Variants in CNTN5 observed in about 807,000 individuals in gnomAD.
CNTN5 encodes contactin 5, also known as contactin-5.
A neutral mutation model predicts 129.1 loss-of-function variants in CNTN5; 77 were observed. The observed-to-expected ratio is 0.60, with a 90% CI of 0.50 to 0.72. The LOEUF (loss-of-function observed/expected upper bound fraction) is 0.72, where lower values mean the gene tolerates loss of function less well. Among genes scored for constraint, CNTN5 ranks in the 30% least tolerant of loss-of-function variants. The pLI is 0.00. For missense variants in CNTN5, 1,478 were observed against 1,328.8 expected, an observed-to-expected ratio of 1.11 and a Z score of -1.75; for synonymous variants, 509 against 465.6, an observed-to-expected ratio of 1.09 and a Z score of -1.20.
chr11:100,287,188 ATAT>A (rs1294480726), intron 18 of CNTN5, among the ~76,000 whole-genome samples: 5 of 152,246 alleles, frequency 3.3e-5, no homozygotes. Flanking sequence ...ACTCTGCAGA[ATAT>A]TATCCAGGAG....
At chr11:99,523,275 C>T (rs1400530381) in intron 2 of CNTN5, among the ~76,000 whole-genome samples, 1 of 152,116 alleles carries the variant, frequency 6.6e-6, no homozygotes, top group Admixed American at 6.6e-5. Context: ...CATACTGGTA[C>T]AGTAAATTAC....
At chr11:99,713,283 G>C (rs71569673) in intron 3 of CNTN5, among the ~76,000 whole-genome samples, 1 of 151,932 alleles carries the variant, frequency 6.6e-6, no homozygotes, top group African/African-American at 2.4e-5. Context: ...TTGGCTCTCT[G>C]TTTTTTGTTG....
At chr11:100,345,172 G>T (rs1198029480) in intron 23 of CNTN5, among the ~76,000 whole-genome samples, 1 of 152,164 alleles carries the variant, frequency 6.6e-6, no homozygotes, top group Admixed American at 6.6e-5. Context: ...AGGCTGAGAT[G>T]CCCAAGATCA....
At chr11:99,794,112 G>C (rs566120908) in intron 3 of CNTN5, among the ~76,000 whole-genome samples, 14 of 151,586 alleles carry the variant, frequency 9.2e-5, no homozygotes, top group African/African-American at 3.4e-4. Flanking sequence ...TGGGTACATA[G>C]ATATTTAGGA....
chr11:99,238,662 A>AT (rs1861395287), intron 1 of CNTN5, among the ~76,000 whole-genome samples: 1 of 152,118 alleles, frequency 6.6e-6, no homozygotes, highest in South Asian at 2.1e-4. Context: ...ATGCTAAAAT[A>AT]TTTTTTGTCA....
intron 3 of CNTN5, among the ~76,000 whole-genome samples, chr11:99,716,951 G>A (rs991870759): frequency 1.3e-5 from 2 of 152,022 alleles, no homozygotes; most frequent in Non-Finnish European, 2.9e-5. Context: ...TATACCAGGG[G>A]AGCAACTAAG....
In CNTN5 at chr11:99,081,400, A is replaced by G. The variant is rs201409853; in HGVS notation, c.-210+60130A>G. On this transcript the variant is annotated intron_variant, in intron 1 of 24. Transcript: ENST00000524871. ...AAACATTTCTCAATTTTATTCACCC[A>G]AACACACAAGCTTTAATGATCCTTT... Among the ~76,000 whole-genome samples the G allele has an allele frequency of 1.7e-4, 26 of 152,326 alleles. No homozygotes were observed. In the East Asian group the frequency reaches 4.6e-3, roughly 27 times the overall value.
chr11:99,075,998 AC>A (rs1458893561), intron 1 of CNTN5, among the ~76,000 whole-genome samples: 2 of 152,082 alleles, frequency 1.3e-5, no homozygotes, highest in African/African-American at 4.8e-5. Flanking sequence ...GCTTGACTTC[AC>A]CTTCTTGATT....
intron 8 of CNTN5, among the ~76,000 whole-genome samples, chr11:99,989,752 A>G (rs1365520036): frequency 6.6e-6 from 1 of 152,038 alleles, no homozygotes; most frequent in Non-Finnish European, 1.5e-5. Flanking sequence ...ATAAAATTTT[A>G]AAAGTTTGCT....
intron 2 of CNTN5, among the ~76,000 whole-genome samples, chr11:99,493,066 G>A (rs1946096628): frequency 6.6e-6 from 1 of 152,136 alleles, no homozygotes; most frequent in Non-Finnish European, 1.5e-5. Flanking sequence ...AGACCTTCCT[G>A]CTTCTACTGC....
intron 1 of CNTN5, among the ~76,000 whole-genome samples, chr11:99,092,446 C>T (rs1374540980): frequency 1.3e-5 from 2 of 151,928 alleles, no homozygotes; most frequent in Non-Finnish European, 2.9e-5. Context: ...CTTAAGAGTA[C>T]ATGTTACATT....
intron 17 of CNTN5, among the ~76,000 whole-genome samples, chr11:100,256,670 G>T (rs1276100291): frequency 6.6e-6 from 1 of 152,062 alleles, no homozygotes; most frequent in African/African-American, 2.4e-5. Flanking sequence ...GCAGCATGGG[G>T]CATTGCCTCA....
At chr11:99,998,089 G>T (rs1013418723) in intron 8 of CNTN5, among the ~76,000 whole-genome samples, 7 of 151,766 alleles carry the variant, frequency 4.6e-5, no homozygotes, top group East Asian at 1.9e-4. Context: ...CATTGAAAAC[G>T]GGCACAAGAC....
chr11:100,333,305 G>T (rs1951947452), intron 21 of CNTN5, among the ~76,000 whole-genome samples: 1 of 147,618 alleles, frequency 6.8e-6, no homozygotes, highest in Admixed American at 6.9e-5. Context: ...CATGCTCATG[G>T]ATGGGTAGAA....
Position 100,341,194 on chromosome 11 carries a change from G to A in CNTN5, c.3019G>A (p.Val1007Met). The stretch of plus-strand genomic sequence containing the variant: ...ACCATTAGCCAACGAATCTGAAGTT[G>A]TGGGTTACAAGGTCAGTATTTCTTC... The part of the protein sequence containing the change: ...VIPLANESEV[V>M]GYKVFYRQEG... Residue 1007 changes from valine (V) to methionine (M), a missense_variant, in exon 23 of 25, where the codon GTG becomes ATG. Coordinates refer to ENST00000524871, the MANE Select transcript of CNTN5 (RefSeq NM_014361.4). The A allele has an allele frequency of 1.9e-6, 3 of 1,612,712 alleles. No homozygotes were observed. Among genetic ancestry groups the A allele is most frequent in the Non-Finnish European group, 8.5e-7 (1 of 1,178,724 alleles).
chr11:100,277,150 G>C (rs1950531387), intron 18 of CNTN5, among the ~76,000 whole-genome samples: 1 of 152,108 alleles, frequency 6.6e-6, no homozygotes, highest in Non-Finnish European at 1.5e-5. Flanking sequence ...CAAATGACAG[G>C]ATTTCATTCT....
chr11:99,440,799 T>C (rs550429871), intron 2 of CNTN5, among the ~76,000 whole-genome samples: 7 of 152,262 alleles, frequency 4.6e-5, no homozygotes, highest in Non-Finnish European at 7.4e-5. Flanking sequence ...TTGGAAGTCA[T>C]ATTCTGTTGG....
chr11:99,573,199 C>T (rs554483810), intron 3 of CNTN5, among the ~76,000 whole-genome samples: 1 of 151,598 alleles, frequency 6.6e-6, no homozygotes, highest in Non-Finnish European at 1.5e-5. Context: ...TAAAATGGAC[C>T]TGATTACATA....
At chr11:99,505,645 T>C (rs1946591117) in intron 2 of CNTN5, among the ~76,000 whole-genome samples, 1 of 152,214 alleles carries the variant, frequency 6.6e-6, no homozygotes, top group South Asian at 2.1e-4. Context: ...TTTATACACG[T>C]AAGGCTTGGA....
Sources: allele counts gnomAD v4.1 joint callset (sites outside exome capture counted in the v4.1 genomes callset), GRCh38; gene constraint gnomAD v4.1.1; transcripts MANE v1.5; gene names NCBI Gene and HGNC (gene_info 2026-07-23, HGNC 2026-07-21).